The following LYST variants were observed in gnomAD, a reference collection of about 807,000 sequenced individuals.
LYST encodes lysosomal trafficking regulator, also known as lysosomal-trafficking regulator.
In LYST, 192 loss-of-function variants were observed where a neutral mutation model predicts 413.6. The ratio of observed to expected loss-of-function variants is 0.46; its 90% confidence interval spans 0.41 to 0.52. The LOEUF is 0.52. Among genes scored for constraint, LYST ranks in the 20% least tolerant of loss-of-function variants. The probability of loss-of-function intolerance (pLI) is 0.00; values close to 1 mark genes in which losing one functional copy is unlikely to be tolerated. For missense variants in LYST, 3,815 were observed against 4,499.9 expected (o/e 0.85, Z 4.35); for synonymous variants, 1,525 against 1,567.3 (o/e 0.97, Z 0.64).
intron 1 of LYST, among the ~76,000 whole-genome samples, chr1:235,851,478 C>A (rs986641811): frequency 6.6e-6 from 1 of 151,730 alleles, no homozygotes; most frequent in African/African-American, 2.4e-5. Flanking sequence ...GATAGGTACA[C>A]CAAAATCTCA....
intron 1 of LYST, among the ~76,000 whole-genome samples, chr1:235,841,234 A>G (rs1677166904): frequency 6.6e-6 from 1 of 152,252 alleles, no homozygotes; most frequent in African/African-American, 2.4e-5. Flanking sequence ...AATAGCAAGT[A>G]TAGACTCTCC....
chr1:235,719,087 C>T (rs144314724), intron 40 of LYST, among the ~76,000 whole-genome samples: 1,796 of 152,242 alleles, frequency 0.012, 18 homozygotes, highest in Non-Finnish European at 0.017. Flanking sequence ...GGTGCAATCT[C>T]GGCTCATCGC....
intron 1 of LYST, among the ~76,000 whole-genome samples, chr1:235,876,560 T>A (rs898777891): frequency 5.3e-5 from 8 of 152,246 alleles, no homozygotes; most frequent in African/African-American, 1.9e-4. Flanking sequence ...TGGCTGACAG[T>A]TGCTAGAGCT....
At chr1:235,802,062 C>A (rs919969158) in intron 8 of LYST, among the ~76,000 whole-genome samples, 1 of 151,808 alleles carries the variant, frequency 6.6e-6, no homozygotes, top group Non-Finnish European at 1.5e-5. Context: ...GGCATGGTGG[C>A]GGGCTCCTGA....
At chr1:235,712,457 C>T (rs894238672) in intron 42 of LYST, 22 of 359,142 alleles carry the variant, frequency 6.1e-5, no homozygotes, top group African/African-American at 1.3e-4. Context: ...GTTTAATTTT[C>T]GTCTATCTAT....
intron 45 of LYST, 47 bp from the exon 46 acceptor site, chr1:235,697,319 G>T (rs533737033): frequency 1.4e-6 from 2 of 1,385,910 alleles, no homozygotes; most frequent in Non-Finnish European, 2.0e-6. Context: ...AAGGTGGTAA[G>T]TGTAGAATTA....
chr1:235,734,372 A>G, intron 32 of LYST, 111 bp downstream of exon 32: 3 of 887,052 alleles, frequency 3.4e-6, no homozygotes, highest in Non-Finnish European at 5.6e-6. Flanking sequence ...AAAATAAAAT[A>G]ATCATTTCAA....
rs1462790155 is a variant in LYST, at chr1:235,827,597, T to C, written c.192+2629A>G. ...TAAAAACTCAAACATTCATTCTCCA[T>C]TTCCTAATTGAAAGAACTAAATGTT... On this transcript the variant is annotated intron_variant, in intron 3 of 52. Transcript: ENST00000389793. 4.1e-6 allele frequency: 4 copies of C among 983,120 alleles called. No homozygotes were observed. The African/African-American group carries it at 5.2e-5, about 13-fold the overall frequency. The allele number at this position is 983,120 out of a possible 1,614,324, so 60.9% of individuals were successfully genotyped here. A position where few individuals can be genotyped will look rare whatever the true frequency, so the allele number is the denominator to read the frequency against.
intron 28 of LYST, among the ~76,000 whole-genome samples, chr1:235,748,692 GT>G (rs1666155812): frequency 6.6e-6 from 1 of 152,192 alleles, no homozygotes. Context: ...CAGAAGAATG[GT>G]AAACCTGAAT....
Position 235,706,247 on chromosome 1 carries a change from G to A in LYST, c.10143+2844C>T, listed in dbSNP as rs368404609. ...TGAAGGAATCTGAGGAACAGCATGT[G>A]CACGAAGGACTTTTTGGCTTTCCCC... On this transcript the variant is annotated intron_variant, in intron 44 of 52. Coordinates refer to ENST00000389793, the MANE Select transcript of LYST (RefSeq NM_000081.4). 7.2e-5 allele frequency among the ~76,000 whole-genome samples: 11 copies of A among 152,262 alleles called. No homozygotes were observed. In the East Asian group the frequency reaches 1.2e-3, roughly 16 times the overall value.
intron 46 of LYST, among the ~76,000 whole-genome samples, chr1:235,694,339 T>A (rs956195473): frequency 6.6e-6 from 1 of 152,162 alleles, no homozygotes; most frequent in Non-Finnish European, 1.5e-5. Flanking sequence ...CAACATAGTA[T>A]GATGTTCTCT....
intron 10 of LYST, among the ~76,000 whole-genome samples, chr1:235,799,869 C>A (rs541352966): frequency 1.5e-5 from 2 of 131,562 alleles, no homozygotes; most frequent in African/African-American, 5.7e-5. Context: ...GAGGAACAAA[C>A]GAGATAATGC....
intron 17 of LYST, among the ~76,000 whole-genome samples, chr1:235,776,391 A>G (rs1669238413): frequency 6.6e-6 from 1 of 152,228 alleles, no homozygotes; most frequent in Admixed American, 6.5e-5. Context: ...ATAATGTTGC[A>G]AAAGTTATAC....
Position 235,833,666 on chromosome 1 carries a change from A to G in LYST, c.-96T>C, listed in dbSNP as rs1676234877. On this transcript the variant is annotated splice_region_variant and 5_prime_UTR_variant, in exon 2 of 53. Transcript: ENST00000389793. ...ACAAATATTCTTAGAACAAAGCTTCACCTACAAAAAAAAAGACATATTAAT... is the reference window on the plus strand; with the variant it reads ...ACAAATATTCTTAGAACAAAGCTTCGCCTACAAAAAAAAAGACATATTAAT... 1.2e-6 allele frequency: 1 copy of G among 831,630 alleles called. No homozygotes were observed. Among genetic ancestry groups the G allele is most frequent in the African/African-American group, 1.8e-5 (1 of 54,442 alleles). The allele number at this position is 831,630 out of a possible 1,614,324, so 51.5% of individuals were successfully genotyped here.
At chr1:235,774,374 C>T (rs897553770) in intron 18 of LYST, among the ~76,000 whole-genome samples, 3 of 152,140 alleles carry the variant, frequency 2.0e-5, no homozygotes, top group African/African-American at 4.8e-5. Flanking sequence ...GTAGAGCAAT[C>T]GTCTTTTGCC....
chr1:235,715,391 T>C (rs778327469), intron 41 of LYST, 34 bp from the exon 42 acceptor site: 4 of 1,609,154 alleles, frequency 2.5e-6, no homozygotes, highest in Non-Finnish European at 3.4e-6. Flanking sequence ...GAATTCATGA[T>C]TGTGGGCTCC....
At chr1:235,712,245 T>C in intron 42 of LYST, 48 bp from the exon 43 acceptor site, 1 of 1,315,622 alleles carries the variant, frequency 7.6e-7, no homozygotes, top group African/African-American at 1.5e-5. Context: ...GACCTAATTC[T>C]ATTTGAGGCC....
intron 50 of LYST, among the ~76,000 whole-genome samples, chr1:235,672,864 C>T (rs1021279786): frequency 6.6e-6 from 1 of 152,112 alleles, no homozygotes; most frequent in Admixed American, 6.5e-5. Context: ...ACATTTGAGA[C>T]AAAGGATCAG....
intron 4 of LYST, 83 bp downstream of exon 4, chr1:235,812,888 A>G (rs1673609779): frequency 1.2e-6 from 1 of 812,972 alleles, no homozygotes; most frequent in Non-Finnish European, 2.1e-6. Context: ...CTGAATCTGA[A>G]TCAGAATCAA....
Sources: allele counts gnomAD v4.1 joint callset (sites outside exome capture counted in the v4.1 genomes callset), GRCh38; gene constraint gnomAD v4.1.1; transcripts MANE v1.5; gene names NCBI Gene and HGNC (gene_info 2026-07-23, HGNC 2026-07-21).